Variants in SH3RF3 observed in about 807,000 individuals in gnomAD.
SH3RF3 encodes the protein SH3 domain containing ring finger 3, also known as E3 ubiquitin-protein ligase SH3RF3.
SH3RF3 carries 29 observed loss-of-function variants against 66.3 expected under a neutral mutation model. The ratio of observed to expected loss-of-function variants is 0.44; its 90% CI spans 0.33 to 0.60. The LOEUF (loss-of-function observed/expected upper bound fraction) is 0.60, where lower values mean the gene tolerates loss of function less well. Ranked by LOEUF, SH3RF3 falls within the 20% of genes least tolerant of loss-of-function variation. The pLI is 0.04. For missense variants in SH3RF3, 1,194 were observed against 1,190.9 expected (o/e 1.00, Z -0.04); for synonymous variants, 583 against 532.0 (o/e 1.10, Z -1.32).
At chr2:109,258,452 C>T (rs577932292) in intron 1 of SH3RF3, among the ~76,000 whole-genome samples, 1 of 152,296 alleles carries the variant, frequency 6.6e-6, no homozygotes, top group South Asian at 2.1e-4. Context: ...TTGGAGGCTT[C>T]CTCGGGCCCT....
chr2:109,360,681 T>C (rs1056308011), intron 2 of SH3RF3, among the ~76,000 whole-genome samples: 1 of 152,266 alleles, frequency 6.6e-6, no homozygotes, highest in Non-Finnish European at 1.5e-5. Context: ...TCCTGCAACC[T>C]TGCTATAATC....
chr2:109,481,649 A>C (rs1678837215), intron 8 of SH3RF3, among the ~76,000 whole-genome samples: 1 of 152,196 alleles, frequency 6.6e-6, no homozygotes, highest in African/African-American at 2.4e-5. Context: ...AAAGCGGCCA[A>C]GGGGCTGGAC....
chr2:109,187,088 T>C (rs904599826), intron 1 of SH3RF3, among the ~76,000 whole-genome samples: 4 of 149,762 alleles, frequency 2.7e-5, no homozygotes, highest in Admixed American at 1.3e-4. Flanking sequence ...TTTGCTAGCA[T>C]CATGACCACA....
intron 8 of SH3RF3, among the ~76,000 whole-genome samples, chr2:109,464,656 T>G (rs1311542867): frequency 2.0e-5 from 3 of 152,216 alleles, no homozygotes; most frequent in Admixed American, 6.5e-5. Context: ...TTAAAGAGAC[T>G]TTATTTTTTA....
At position 109,490,904 on chromosome 2, in the gene SH3RF3, C is replaced by T. The variant is rs752911200; in HGVS notation, c.2448C>T (p.Ile816=). 1.2e-4 allele frequency: 185 copies of T among 1,515,950 alleles called. No individual in the cohort carries two copies. Among genetic ancestry groups the T allele is most frequent in the Middle Eastern group, 3.4e-4 (2 of 5,918 alleles). 93.9% of individuals were successfully genotyped at this position (1,515,950 alleles called of 1,614,324 possible). A position where few individuals can be genotyped will look rare whatever the true frequency, so the allele number is the denominator to read the frequency against. The change falls in exon 9 of 10, where the codon ATC becomes ATT. Residue 816 remains isoleucine (I), a synonymous_variant. Transcript: ENST00000309415. ...SRQAPLSMAA[I]RPEPKLLPRE... is the part of the protein sequence containing the mutation. ...AAGCTCCGCTGTCCATGGCTGCCAT[C>T]CGCCCCGAGCCCAAGCTGTTGCCCA... is the stretch of plus-strand genomic sequence containing the variant.
intron 1 of SH3RF3, among the ~76,000 whole-genome samples, chr2:109,145,323 G>A (rs564337106): frequency 4.6e-5 from 7 of 152,254 alleles, no homozygotes; most frequent in South Asian, 2.1e-4. Flanking sequence ...CCTTTAGTCC[G>A]GACTTCATGC....
intron 1 of SH3RF3, among the ~76,000 whole-genome samples, chr2:109,329,458 T>C (rs1456404625): frequency 6.6e-6 from 1 of 152,216 alleles, no homozygotes; most frequent in African/African-American, 2.4e-5. Context: ...TTCAAATGGT[T>C]CCAGAGGCCA....
intron 3 of SH3RF3, among the ~76,000 whole-genome samples, chr2:109,385,704 G>C (rs1268230839): frequency 6.6e-6 from 1 of 152,232 alleles, no homozygotes; most frequent in Non-Finnish European, 1.5e-5. Context: ...TCAAGGGGTT[G>C]GCCAAGCCTA....
chr2:109,274,347 C>T (rs1047981065), intron 1 of SH3RF3, among the ~76,000 whole-genome samples: 1 of 152,076 alleles, frequency 6.6e-6, no homozygotes, highest in African/African-American at 2.4e-5. Flanking sequence ...TCATAGCAGC[C>T]CTATTTACAC....
At chr2:109,234,500 G>A (rs942064816) in intron 1 of SH3RF3, among the ~76,000 whole-genome samples, 6 of 152,230 alleles carry the variant, frequency 3.9e-5, no homozygotes, top group African/African-American at 1.2e-4. Flanking sequence ...TCTTCTCAGC[G>A]AGTAGCTTGT....
At chr2:109,331,086 C>A (rs992781588) in intron 1 of SH3RF3, among the ~76,000 whole-genome samples, 14 of 152,318 alleles carry the variant, frequency 9.2e-5, no homozygotes, top group Admixed American at 7.2e-4. Context: ...CTTTTCCTTC[C>A]AGCATAGCAG....
In SH3RF3 at chr2:109,328,959, G is replaced by A. The variant is rs1682222072; in HGVS notation, c.574-18715G>A. ...TAACGGGGTGGTCATGACAAGCTTG[G>A]CCACGTCCTTCCTCCCACGTCCTGG... On this transcript the variant is annotated intron_variant, in intron 1 of 9. Coordinates refer to ENST00000309415, the MANE Select transcript of SH3RF3 (RefSeq NM_001099289.3). 2.0e-5 allele frequency among the ~76,000 whole-genome samples: 3 copies of A among 152,146 alleles called. No individual in the cohort carries two copies. The South Asian group carries it at 6.2e-4, about 32-fold the overall frequency.
intron 1 of SH3RF3, among the ~76,000 whole-genome samples, chr2:109,262,297 TA>T (rs1225563467): frequency 6.6e-6 from 1 of 152,200 alleles, no homozygotes; most frequent in South Asian, 2.1e-4. Flanking sequence ...ATGGGAGAGA[TA>T]AATGTCTCGA....
chr2:109,375,353 G>A (rs1683357520), intron 3 of SH3RF3, among the ~76,000 whole-genome samples: 3 of 152,316 alleles, frequency 2.0e-5, no homozygotes, highest in South Asian at 2.1e-4. Context: ...CCCAGGGCAC[G>A]TCTCCCTGAC....
intron 8 of SH3RF3, among the ~76,000 whole-genome samples, chr2:109,477,772 C>T (rs542492396): frequency 3.3e-5 from 5 of 152,282 alleles, no homozygotes; most frequent in African/African-American, 7.2e-5. Flanking sequence ...GCCTTCTCAC[C>T]GTGTCCTCAC....
intron 3 of SH3RF3, among the ~76,000 whole-genome samples, chr2:109,377,460 G>A (rs985667600): frequency 6.6e-6 from 1 of 152,160 alleles, no homozygotes; most frequent in African/African-American, 2.4e-5. Flanking sequence ...AGAGCTGGAG[G>A]GGGCAGAAGA....
chr2:109,330,416 T>C (rs1469886453), intron 1 of SH3RF3, among the ~76,000 whole-genome samples: 2 of 152,256 alleles, frequency 1.3e-5, no homozygotes, highest in East Asian at 3.8e-4. Flanking sequence ...TCCTGTTGAT[T>C]ATTCCTTAGT....
At chr2:109,408,924 T>A (rs763380336) in intron 4 of SH3RF3, among the ~76,000 whole-genome samples, 1 of 152,192 alleles carries the variant, frequency 6.6e-6, no homozygotes, top group Non-Finnish European at 1.5e-5. Flanking sequence ...AGGAAGGCCA[T>A]GAGCGGAGGC....
chr2:109,472,991 C>A (rs866755789), intron 8 of SH3RF3, among the ~76,000 whole-genome samples: 37 of 152,206 alleles, frequency 2.4e-4, no homozygotes, highest in African/African-American at 8.4e-4. Flanking sequence ...ACTCGTGGGG[C>A]CTTTCCTACC....
Sources: allele counts gnomAD v4.1 joint callset (sites outside exome capture counted in the v4.1 genomes callset), GRCh38; gene constraint gnomAD v4.1.1; transcripts MANE v1.5; gene names NCBI Gene and HGNC (gene_info 2026-07-23, HGNC 2026-07-21).